TBL1XR1: variants seen among roughly 807,000 people sequenced by gnomAD.
TBL1XR1 encodes the protein TBL1X/Y related 1.
A neutral mutation model predicts 66.9 loss-of-function variants in TBL1XR1; 5 were observed. The observed-to-expected ratio is 0.07, with a 90% confidence interval of 0.04 to 0.16. TBL1XR1 has a LOEUF of 0.16. TBL1XR1 is among the 10% of genes least tolerant of loss of function. The pLI, the probability that TBL1XR1 is intolerant of heterozygous loss-of-function variation, is 1.00. For synonymous variants in TBL1XR1, 210 were observed against 206.0 expected (o/e 1.02, Z -0.17); for missense variants, 238 against 623.2 (o/e 0.38, Z 6.58).
At chr3:177,084,001 T>C (rs1310999348) in intron 2 of TBL1XR1, among the ~76,000 whole-genome samples, 1 of 146,498 alleles carries the variant, frequency 6.8e-6, no homozygotes, top group Non-Finnish European at 1.5e-5. Context: ...GGCAGGAGAA[T>C]CATTTGAACC....
chr3:177,042,702 A>G (rs966108235), intron 10 of TBL1XR1, among the ~76,000 whole-genome samples: 2 of 152,192 alleles, frequency 1.3e-5, no homozygotes, highest in African/African-American at 4.8e-5. Context: ...GTGTTCACTA[A>G]TACCCATCTC....
intron 2 of TBL1XR1, among the ~76,000 whole-genome samples, chr3:177,072,200 T>C (rs1324720785): frequency 1.3e-5 from 2 of 152,224 alleles, no homozygotes; most frequent in Non-Finnish European, 2.9e-5. Context: ...CGGTATTCTA[T>C]TATACTAATG....
chr3:177,173,081 G>C (rs919940471), intron 1 of TBL1XR1, among the ~76,000 whole-genome samples: 1 of 152,082 alleles, frequency 6.6e-6, no homozygotes, highest in Non-Finnish European at 1.5e-5. Context: ...CAGCTACTCC[G>C]CAGTCTGAGG....
At chr3:177,148,243 T>C (rs1386619360) in intron 1 of TBL1XR1, among the ~76,000 whole-genome samples, 9 of 152,340 alleles carry the variant, frequency 5.9e-5, no homozygotes, top group African/African-American at 1.7e-4. Context: ...AAAGGAGGTA[T>C]ACATGCTGAT....
chr3:177,172,628 G>A (rs910587611), intron 1 of TBL1XR1, among the ~76,000 whole-genome samples: 3 of 88,502 alleles, frequency 3.4e-5, no homozygotes, highest in East Asian at 1.3e-3. Context: ...TCTCAAGAAA[G>A]AGAGAAGAGA....
intron 7 of TBL1XR1, among the ~76,000 whole-genome samples, chr3:177,049,232 A>G (rs1716725032): frequency 6.6e-6 from 1 of 152,228 alleles, no homozygotes; most frequent in South Asian, 2.1e-4. Flanking sequence ...GGGTTGTTAA[A>G]CAGAAGAGAA....
chr3:177,048,911 C>T (rs1017342629), intron 7 of TBL1XR1, among the ~76,000 whole-genome samples: 18 of 152,098 alleles, frequency 1.2e-4, no homozygotes, highest in African/African-American at 3.9e-4. Flanking sequence ...GACCAGGTAG[C>T]GTAAGAAAGC....
chr3:177,074,985 G>A (rs909488936), intron 2 of TBL1XR1, among the ~76,000 whole-genome samples: 1 of 152,094 alleles, frequency 6.6e-6, no homozygotes, highest in Admixed American at 6.6e-5. Flanking sequence ...CAGCCCCAAA[G>A]ACCACAAAGT....
chr3:177,040,062 G>C (rs979997454), intron 10 of TBL1XR1, among the ~76,000 whole-genome samples: 3 of 152,208 alleles, frequency 2.0e-5, no homozygotes, highest in African/African-American at 7.2e-5. Context: ...GTGGCCAGGT[G>C]TGACTCAGCG....
At chr3:177,065,965 T>C (rs561645317) in intron 2 of TBL1XR1, among the ~76,000 whole-genome samples, 1 of 152,148 alleles carries the variant, frequency 6.6e-6, no homozygotes, top group Non-Finnish European at 1.5e-5. Context: ...CTTATAAAAA[T>C]GTAAAGACCT....
At chr3:177,050,276 T>A (rs1422438336) in intron 6 of TBL1XR1, 138 bp from the exon 7 acceptor site, 3 of 1,305,096 alleles carry the variant, frequency 2.3e-6, no homozygotes, top group Non-Finnish European at 2.1e-6. Flanking sequence ...TTTTTCCCAT[T>A]CTACACGTTG....
chr3:177,135,369 ATATATATATATATG>A (rs1325388133), intron 1 of TBL1XR1, among the ~76,000 whole-genome samples: 1,327 of 33,084 alleles, frequency 0.04, 70 homozygotes, highest in African/African-American at 0.11. Context: ...ATATATATAT[ATATATATATATATG>A]TATGTATTTT....
At chr3:177,177,627 A>G (rs1013019888) in intron 1 of TBL1XR1, among the ~76,000 whole-genome samples, 2 of 152,164 alleles carry the variant, frequency 1.3e-5, no homozygotes, top group Non-Finnish European at 2.9e-5. Flanking sequence ...AAATTTCAAC[A>G]TTTAGTAAAA....
rs577037683 is a variant in TBL1XR1, at chr3:177,021,088, C to T, written c.*4410G>A. ...AACAGTTTTAAAGTTAACTGGATAACTAAAGAAATGATGCAGACATTTTAA... is the reference window on the plus strand; with the variant it reads ...AACAGTTTTAAAGTTAACTGGATAATTAAAGAAATGATGCAGACATTTTAA... On this transcript the variant is annotated 3_prime_UTR_variant, in exon 16 of 16. Coordinates refer to ENST00000457928, the MANE Select transcript of TBL1XR1 (RefSeq NM_024665.7). 6.6e-6 allele frequency: 1 copy of T among 152,152 alleles called. No homozygotes were observed. The highest frequency in any genetic ancestry group is 2.1e-4 in the South Asian group (1 of 4,830). The allele number at this position is 152,152 out of a possible 1,614,324, so 9.4% of individuals were successfully genotyped here.
At chr3:177,169,263 CATT>C (rs966043147) in intron 1 of TBL1XR1, among the ~76,000 whole-genome samples, 1 of 152,120 alleles carries the variant, frequency 6.6e-6, no homozygotes, top group Non-Finnish European at 1.5e-5. Flanking sequence ...CTTTTGTAAT[CATT>C]AGCCTAAAGG....
chr3:177,045,676 T>C (rs1716235218), intron 10 of TBL1XR1, among the ~76,000 whole-genome samples: 1 of 152,240 alleles, frequency 6.6e-6, no homozygotes, highest in Non-Finnish European at 1.5e-5. Flanking sequence ...CCTAAACTTA[T>C]AGGAGTCTAT....
At chr3:177,155,521 A>G (rs1439766582) in intron 1 of TBL1XR1, among the ~76,000 whole-genome samples, 1 of 152,218 alleles carries the variant, frequency 6.6e-6, no homozygotes, top group Non-Finnish European at 1.5e-5. Flanking sequence ...AAGGTGTATG[A>G]ATTTAAAAGA....
At chr3:177,174,156 G>A (rs531809981) in intron 1 of TBL1XR1, among the ~76,000 whole-genome samples, 1 of 152,194 alleles carries the variant, frequency 6.6e-6, no homozygotes, top group African/African-American at 2.4e-5. Context: ...GCTCACGCCT[G>A]TACTCCCAGC....
intron 2 of TBL1XR1, among the ~76,000 whole-genome samples, chr3:177,083,769 T>TTTTTG (rs1560155227): frequency 5.9e-5 from 9 of 152,012 alleles, no homozygotes; most frequent in African/African-American, 2.2e-4. Context: ...GTAATGGTTT[T>TTTTTG]TTTTTGTTTT....
Sources: allele counts gnomAD v4.1 joint callset (sites outside exome capture counted in the v4.1 genomes callset), GRCh38; gene constraint gnomAD v4.1.1; transcripts MANE v1.5; gene names NCBI Gene and HGNC (gene_info 2026-07-23, HGNC 2026-07-21).